Variants in ZBTB38 observed in about 807,000 individuals in gnomAD.
ZBTB38 encodes zinc finger and BTB domain-containing protein 38.
In ZBTB38, 20 loss-of-function variants were observed where a neutral mutation model predicts 76.8. The ratio of observed to expected loss-of-function variants is 0.26; its 90% confidence interval spans 0.18 to 0.38. The LOEUF (loss-of-function observed/expected upper bound fraction) is 0.38, where lower values mean the gene tolerates loss of function less well. Among genes scored for constraint, ZBTB38 ranks in the 10% least tolerant of loss-of-function variants. The pLI is 1.00. For synonymous variants in ZBTB38, 504 were observed against 544.2 expected, an observed-to-expected ratio of 0.93 and a Z score of 1.03; for missense variants, 1,082 against 1,482.3, an observed-to-expected ratio of 0.73 and a Z score of 4.43.
intron 4 of ZBTB38, among the ~76,000 whole-genome samples, chr3:141,394,035 G>A (rs542930429): frequency 1.4e-5 from 2 of 144,178 alleles, no homozygotes; most frequent in African/African-American, 2.6e-5. Context: ...TTTTTGAAAC[G>A]GAGTCTTGTT....
chr3:141,399,416 G>A (rs1951188808), intron 4 of ZBTB38, among the ~76,000 whole-genome samples: 1 of 152,052 alleles, frequency 6.6e-6, no homozygotes, highest in African/African-American at 2.4e-5. Context: ...CCTCTTCAAG[G>A]GCTTTGGTAG....
intron 1 of ZBTB38, among the ~76,000 whole-genome samples, chr3:141,345,709 G>GGT (rs1483715771): frequency 6.6e-6 from 1 of 151,914 alleles, no homozygotes; most frequent in African/African-American, 2.4e-5. Flanking sequence ...GTGGTGCATG[G>GGT]GTGTGTGTGT....
intron 1 of ZBTB38, among the ~76,000 whole-genome samples, chr3:141,330,503 G>A (rs1475347626): frequency 3.9e-5 from 6 of 152,228 alleles, no homozygotes; most frequent in Non-Finnish European, 8.8e-5. Context: ...TTGTTGGAAA[G>A]AACACAGCCT....
chr3:141,441,165 T>C (rs531036822), intron 5 of ZBTB38, among the ~76,000 whole-genome samples: 72 of 152,302 alleles, frequency 4.7e-4, no homozygotes, highest in African/African-American at 1.7e-3. Context: ...GTGTATCTCT[T>C]ACTGTGGGAA....
In ZBTB38 at chr3:141,369,007, A is replaced by C. The variant is rs78778036; in HGVS notation, c.-310+203A>C. 1.9e-4 allele frequency among the ~76,000 whole-genome samples: 29 copies of C among 151,818 alleles called. 1 individual carries two copies. The highest frequency in any genetic ancestry group is 5.8e-4 in the African/African-American group (24 of 41,432). ...TCAGAAAAGAATGCAAAAAAAAAAA[A>C]AAAAAACAATACTAAGACGGAAACC... On this transcript the variant is annotated intron_variant, in intron 1 of 5. Transcript: ENST00000321464.
intron 1 of ZBTB38, among the ~76,000 whole-genome samples, chr3:141,324,863 C>T (rs776061712): frequency 6.6e-6 from 1 of 152,082 alleles, no homozygotes; most frequent in Non-Finnish European, 1.5e-5. Flanking sequence ...ATTGAAGTTA[C>T]TTTGTAAAAT....
chr3:141,377,630 T>C (rs1245896095), intron 2 of ZBTB38, among the ~76,000 whole-genome samples: 2 of 152,246 alleles, frequency 1.3e-5, no homozygotes, highest in African/African-American at 4.8e-5. Flanking sequence ...TGAAAACTTA[T>C]GTTCACGCAA....
chr3:141,429,463 C>A (rs2077035689), intron 5 of ZBTB38, among the ~76,000 whole-genome samples: 1 of 152,070 alleles, frequency 6.6e-6, no homozygotes, highest in South Asian at 2.1e-4. Flanking sequence ...TCGGGGTGAG[C>A]CTGGTTTGTG....
intron 2 of ZBTB38, among the ~76,000 whole-genome samples, chr3:141,372,699 T>C (rs941981071): frequency 1.3e-5 from 2 of 151,038 alleles, no homozygotes; most frequent in African/African-American, 2.4e-5. Flanking sequence ...CAGTGCCTGC[T>C]AGAAGGGTGC....
At chr3:141,401,298 G>A (rs150912628) in intron 4 of ZBTB38, among the ~76,000 whole-genome samples, 1,557 of 152,158 alleles carry the variant, frequency 0.01, 23 homozygotes, top group African/African-American at 0.036. Context: ...AAGAATAAAG[G>A]GTGCTTGGCT....
chr3:141,386,042 C>T (rs531739504), intron 3 of ZBTB38: 12 of 152,324 alleles, frequency 7.9e-5, no homozygotes, highest in Admixed American at 2.6e-4. Context: ...CAGCACAACA[C>T]GATTTCTTCT....
At chr3:141,399,987 C>CTT (rs557587979) in intron 4 of ZBTB38, among the ~76,000 whole-genome samples, 4,082 of 80,432 alleles carry the variant, frequency 0.051, 304 homozygotes, top group African/African-American at 0.097. Context: ...GAAAGTCTTG[C>CTT]TTTTTTTTTT....
At chr3:141,363,310 G>A (rs1337314950) in intron 1 of ZBTB38, among the ~76,000 whole-genome samples, 1 of 152,180 alleles carries the variant, frequency 6.6e-6, no homozygotes, top group East Asian at 1.9e-4. Context: ...TTGCTAATAT[G>A]GGATTACTCC....
upstream of ZBTB38, chr3:141,367,786 A>G (rs1020271772): frequency 6.6e-6 from 1 of 152,258 alleles, no homozygotes; most frequent in African/African-American, 2.4e-5. Context: ...CATAAAGCAC[A>G]GAGGCTTGAA....
At chr3:141,383,148 A>T (rs1946440465) in intron 3 of ZBTB38, among the ~76,000 whole-genome samples, 1 of 152,168 alleles carries the variant, frequency 6.6e-6, no homozygotes, top group African/African-American at 2.4e-5. Flanking sequence ...AGCTCTGATC[A>T]ATGTGGAAGG....
At chr3:141,379,530 G>A (rs954015002) in intron 2 of ZBTB38, among the ~76,000 whole-genome samples, 1 of 152,206 alleles carries the variant, frequency 6.6e-6, no homozygotes. Context: ...GAGAGGGACA[G>A]CGGTGCTCAT....
intron 5 of ZBTB38, among the ~76,000 whole-genome samples, chr3:141,431,383 A>G (rs554414559): frequency 1.4e-5 from 2 of 146,196 alleles, no homozygotes; most frequent in Non-Finnish European, 3.0e-5. Flanking sequence ...TGTCAGTGGA[A>G]TTTGGGTAAA....
At chr3:141,360,865 A>G (rs544343147) in intron 1 of ZBTB38, among the ~76,000 whole-genome samples, 22 of 152,290 alleles carry the variant, frequency 1.4e-4, no homozygotes, top group African/African-American at 5.1e-4. Context: ...CCAGGGGGCA[A>G]ACGCACCCCT....
chr3:141,342,132 C>T (rs1440041003), intron 1 of ZBTB38, among the ~76,000 whole-genome samples: 2 of 152,098 alleles, frequency 1.3e-5, no homozygotes, highest in Admixed American at 1.3e-4. Context: ...CGAGACTATC[C>T]TGGCCAACAT....
Sources: allele counts gnomAD v4.1 joint callset (sites outside exome capture counted in the v4.1 genomes callset), GRCh38; gene constraint gnomAD v4.1.1; transcripts MANE v1.5; gene names NCBI Gene and HGNC (gene_info 2026-07-23, HGNC 2026-07-21).